Variants in AHI1 observed in about 807,000 individuals in gnomAD.
AHI1 encodes the protein jouberin.
A neutral mutation model predicts 149.3 loss-of-function variants in AHI1; 123 were observed. The ratio of observed to expected loss-of-function variants is 0.82; its 90% CI spans 0.71 to 0.96. AHI1 has a LOEUF of 0.96. Ranked by LOEUF, AHI1 falls within the 40% of genes least tolerant of loss-of-function variation. The pLI, the probability that AHI1 is intolerant of heterozygous loss-of-function variation, is 0.00. For synonymous variants in AHI1, 475 were observed against 459.8 expected, an observed-to-expected ratio of 1.03 and a Z score of -0.42; for missense variants, 1,439 against 1,422.7, an observed-to-expected ratio of 1.01 and a Z score of -0.18.
At position 135,477,198 on chromosome 6, in the gene AHI1, G is replaced by A. The variant is rs189150187; in HGVS notation, c.136-9564C>T. ...TGGGACTACAGGCGCCCAACACCAC[G>A]CCCGGCTAATTTTTTGTATTTTTAG... On this transcript the variant is annotated intron_variant, in intron 5 of 28. Transcript: ENST00000265602. 3.2e-3 allele frequency among the ~76,000 whole-genome samples: 489 copies of A among 151,722 alleles called. 5 individuals carry two copies. The highest frequency in any genetic ancestry group is 9.2e-3 in the African/African-American group (379 of 41,392).
At chr6:135,320,951 G>T (rs76657100) in intron 25 of AHI1, among the ~76,000 whole-genome samples, 1,790 of 152,308 alleles carry the variant, frequency 0.012, 11 homozygotes, top group Admixed American at 0.018. Flanking sequence ...CTGGAAGTTA[G>T]AAGTGCTGAG....
rs1052502 is a variant in AHI1 at position 135,285,427 on chromosome 6, G to A, written c.*218C>T. 81,488 of 595,260 alleles carry A rather than the reference G, an allele frequency of 0.14. 16,330 individuals carry two copies. Among genetic ancestry groups the A allele is most frequent in the African/African-American group, 0.72 (38,777 of 53,596 alleles). The allele number at this position is 595,260 out of a possible 1,614,324, so 36.9% of individuals were successfully genotyped here. A position where few individuals can be genotyped will look rare whatever the true frequency, so the allele number is the denominator to read the frequency against. ...AGTACCAATACTTTGACCAACAATAGTCACAATGGTTTATAACAACTGAAC... is the reference window on the plus strand; with the variant it reads ...AGTACCAATACTTTGACCAACAATAATCACAATGGTTTATAACAACTGAAC... On this transcript the variant is annotated 3_prime_UTR_variant, in exon 29 of 29. Coordinates refer to ENST00000265602, the MANE Select transcript of AHI1 (RefSeq NM_001134831.2).
rs114845981 is a variant in AHI1 at position 135,470,738 on chromosome 6, G to A, written c.136-3104C>T. On this transcript the variant is annotated intron_variant, in intron 5 of 28. Transcript: ENST00000265602. Reference sequence around the variant, plus strand: ...CACTTGTACGTGGGAGCTGAACACCGAGAACACATGGACACAGGGAGAGGA... The same window carrying A: ...CACTTGTACGTGGGAGCTGAACACCAAGAACACATGGACACAGGGAGAGGA... 4.3e-3 allele frequency among the ~76,000 whole-genome samples: 658 copies of A among 152,128 alleles called. 5 individuals carry two copies. The highest frequency in any genetic ancestry group is 0.015 in the African/African-American group (630 of 41,488).
At chr6:135,399,071 C>A (rs1356770110) in intron 22 of AHI1, among the ~76,000 whole-genome samples, 1 of 152,148 alleles carries the variant, frequency 6.6e-6, no homozygotes, top group Non-Finnish European at 1.5e-5. Context: ...GTGGTCTCAG[C>A]TACCCAGGAG....
chr6:135,349,977 A>G (rs1791831067), intron 24 of AHI1, among the ~76,000 whole-genome samples: 1 of 152,120 alleles, frequency 6.6e-6, no homozygotes, highest in Non-Finnish European at 1.5e-5. Flanking sequence ...TCTGAGAAAT[A>G]TTTATTTTGA....
chr6:135,286,722 G>C (rs1781731391), intron 28 of AHI1, among the ~76,000 whole-genome samples: 1 of 152,152 alleles, frequency 6.6e-6, no homozygotes, highest in East Asian at 1.9e-4. Flanking sequence ...TTTATCACTT[G>C]ATGTTTCTTG....
At chr6:135,310,643 T>G (rs1349611487) in intron 26 of AHI1, among the ~76,000 whole-genome samples, 1 of 152,240 alleles carries the variant, frequency 6.6e-6, no homozygotes, top group African/African-American at 2.4e-5. Flanking sequence ...TTAGCTATAA[T>G]AGATATTTTT....
intron 26 of AHI1, among the ~76,000 whole-genome samples, chr6:135,312,512 A>AAAC (rs895087367): frequency 6.6e-6 from 1 of 152,102 alleles, no homozygotes; most frequent in Non-Finnish European, 1.5e-5. Context: ...GACTGTTTCA[A>AAAC]AACAACAACA....
At chr6:135,469,931 A>C (rs944481944) in intron 5 of AHI1, among the ~76,000 whole-genome samples, 3 of 152,236 alleles carry the variant, frequency 2.0e-5, no homozygotes, top group African/African-American at 7.2e-5. Flanking sequence ...CAAAAATGTC[A>C]ACAGCAACTG....
intron 25 of AHI1, among the ~76,000 whole-genome samples, chr6:135,320,024 T>C (rs558215229): frequency 5.9e-5 from 9 of 152,314 alleles, no homozygotes; most frequent in African/African-American, 2.2e-4. Flanking sequence ...CATAGTTGGC[T>C]TCAGATAAAG....
intron 24 of AHI1, among the ~76,000 whole-genome samples, chr6:135,338,300 C>CAAAAAAAAAAAAAAA (rs199794648): frequency 1.1e-5 from 1 of 94,574 alleles, no homozygotes; most frequent in Non-Finnish European, 2.2e-5. Flanking sequence ...AACTCCATCT[C>CAAAAAAAAAAAAAAA]AAAAAAAAAA....
chr6:135,418,518 T>C (rs1170301489), intron 20 of AHI1, among the ~76,000 whole-genome samples: 2 of 152,124 alleles, frequency 1.3e-5, no homozygotes, highest in African/African-American at 4.8e-5. Flanking sequence ...ATAATGTGGT[T>C]TTCTCAAGAG....
intron 23 of AHI1, 116 bp downstream of exon 23, chr6:135,394,660 G>T: frequency 1.5e-6 from 2 of 1,363,060 alleles, no homozygotes; most frequent in Non-Finnish European, 2.0e-6. Context: ...AATATAATTT[G>T]TCAAGTGTAA....
chr6:135,400,797 T>C (rs1445978418), intron 22 of AHI1, among the ~76,000 whole-genome samples: 1 of 152,234 alleles, frequency 6.6e-6, no homozygotes, highest in African/African-American at 2.4e-5. Flanking sequence ...AATACATAAT[T>C]GACTATCCCC....
At chr6:135,492,204 A>G in intron 4 of AHI1, 24 bp downstream of exon 4, 1 of 1,484,146 alleles carries the variant, frequency 6.7e-7, no homozygotes. Context: ...TAAATTTTAT[A>G]CATAAATTTC....
At chr6:135,383,048 C>T (rs568627223) in intron 23 of AHI1, among the ~76,000 whole-genome samples, 73 of 144,250 alleles carry the variant, frequency 5.1e-4, no homozygotes, top group Non-Finnish European at 7.7e-4. Flanking sequence ...GTGAAATATG[C>T]GAAAACAAGT....
rs768634892 is a variant in AHI1 at position 135,358,127 on chromosome 6, C to G, written c.3165+5G>C. 1 of 1,611,478 alleles carries G rather than the reference C, an allele frequency of 6.2e-7. No homozygotes were observed. The highest frequency in any genetic ancestry group is 8.5e-7 in the Non-Finnish European group (1 of 1,178,188). On this transcript the variant is annotated splice_donor_5th_base_variant and intron_variant, in intron 24 of 28. Coordinates refer to ENST00000265602, the MANE Select transcript of AHI1 (RefSeq NM_001134831.2). Reference sequence around the variant, plus strand: ...TTTTAACAACGTAGCAACAGACTGTCTTACCGTTGGTGCTGTATCTACCTG... The same window carrying G: ...TTTTAACAACGTAGCAACAGACTGTGTTACCGTTGGTGCTGTATCTACCTG...
intron 22 of AHI1, among the ~76,000 whole-genome samples, chr6:135,398,023 G>C (rs1358021754): frequency 6.8e-6 from 1 of 147,422 alleles, no homozygotes; most frequent in African/African-American, 2.5e-5. Context: ...AGTTCTGGTG[G>C]CATTAGAAAA....
At chr6:135,459,523 AT>A (rs1789523632) in intron 8 of AHI1, among the ~76,000 whole-genome samples, 1 of 152,144 alleles carries the variant, frequency 6.6e-6, no homozygotes, top group African/African-American at 2.4e-5. Flanking sequence ...AAAATAGTAC[AT>A]AAATGTACAA....
Sources: gnomAD v4.1 joint callset for allele counts (sites outside exome capture counted in the v4.1 genomes callset) on GRCh38, gnomAD v4.1.1 for gene constraint, MANE v1.5 for transcripts, NCBI Gene and HGNC (gene_info 2026-07-23, HGNC 2026-07-21) for gene names.